The following DAB1 variants were observed in gnomAD, a reference collection of about 807,000 sequenced individuals.
DAB1 encodes the protein DAB adaptor protein 1.
A neutral mutation model predicts 64.6 loss-of-function variants in DAB1; 15 were observed. That is an observed-to-expected ratio of 0.23 (90% CI 0.16 to 0.36). The LOEUF is 0.36. Ranked by LOEUF, DAB1 falls within the 10% of genes least tolerant of loss-of-function variation. The pLI, the probability that DAB1 is intolerant of heterozygous loss-of-function variation, is 1.00. For synonymous variants in DAB1, 235 were observed against 251.9 expected, an observed-to-expected ratio of 0.93 and a Z score of 0.64; for missense variants, 596 against 706.7, an observed-to-expected ratio of 0.84 and a Z score of 1.78.
intron 2 of DAB1, among the ~76,000 whole-genome samples, chr1:57,252,758 G>A (rs568167787): frequency 6.6e-6 from 1 of 152,220 alleles, no homozygotes; most frequent in Non-Finnish European, 1.5e-5. Context: ...AGCTGAGAGA[G>A]AACAGGCTCC....
chr1:58,140,474 T>A (rs1210795952), intron 5 of DAB1, among the ~76,000 whole-genome samples: 1 of 152,178 alleles, frequency 6.6e-6, no homozygotes, highest in African/African-American at 2.4e-5. Context: ...AAAGGCATCA[T>A]AGACCAAGTG....
chr1:57,523,402 A>C (rs535442896), intron 7 of DAB1, among the ~76,000 whole-genome samples: 2 of 152,272 alleles, frequency 1.3e-5, no homozygotes, highest in African/African-American at 4.8e-5. Flanking sequence ...TCCCAACCCC[A>C]CTTGCATAGT....
chr1:57,297,253 T>G (rs1225448732), intron 1 of DAB1, among the ~76,000 whole-genome samples: 1 of 152,198 alleles, frequency 6.6e-6, no homozygotes, highest in African/African-American at 2.4e-5. Context: ...GATATTGTAC[T>G]GGAGAGAAAA....
intron 3 of DAB1, among the ~76,000 whole-genome samples, chr1:58,345,179 A>C (rs1643981656): frequency 6.6e-6 from 1 of 152,114 alleles, no homozygotes; most frequent in South Asian, 2.1e-4. Context: ...CTTAGCCCAC[A>C]ATTTAAGGCC....
intron 14 of DAB1, among the ~76,000 whole-genome samples, chr1:57,006,890 A>G (rs1646090294): frequency 6.6e-6 from 1 of 152,124 alleles, no homozygotes; most frequent in Non-Finnish European, 1.5e-5. Context: ...AATTATCTGT[A>G]TTTATCCATA....
At chr1:58,201,019 TTTG>T (rs1657966949) in intron 4 of DAB1, among the ~76,000 whole-genome samples, 1 of 139,578 alleles carries the variant, frequency 7.2e-6, no homozygotes, top group East Asian at 2.3e-4. Context: ...TTTTGTTTGT[TTTG>T]TTTTTTTTTT....
At chr1:57,407,454 G>A (rs1384358931) in intron 1 of DAB1, among the ~76,000 whole-genome samples, 3 of 152,102 alleles carry the variant, frequency 2.0e-5, no homozygotes, top group Non-Finnish European at 2.9e-5. Flanking sequence ...AGGGAAGAGC[G>A]GTGTGACTTT....
chr1:57,969,757 G>A (rs1240253280), intron 5 of DAB1, among the ~76,000 whole-genome samples: 2 of 152,078 alleles, frequency 1.3e-5, no homozygotes, highest in Non-Finnish European at 2.9e-5. Flanking sequence ...GTACTTTTGA[G>A]ACCAGGATTC....
At chr1:57,697,414 CACGTTTCTAAAAAAAAAAAAAAAAAAA>C (rs1008538669) in intron 6 of DAB1, among the ~76,000 whole-genome samples, 1 of 111,610 alleles carries the variant, frequency 9.0e-6, no homozygotes, top group African/African-American at 3.5e-5. Flanking sequence ...ACAATAAGCT[CACGTTTCTAAAAAAAAAAAAAAAAAAA>C]AAAAAAAAAG....
At chr1:57,517,339 A>G (rs1348132335) in intron 7 of DAB1, among the ~76,000 whole-genome samples, 1 of 149,800 alleles carries the variant, frequency 6.7e-6, no homozygotes, top group Non-Finnish European at 1.5e-5. Context: ...CGTAGTTTGC[A>G]TTCATTATCC....
intron 2 of DAB1, among the ~76,000 whole-genome samples, chr1:57,149,904 A>C (rs981065046): frequency 1.6e-4 from 24 of 152,156 alleles, no homozygotes; most frequent in African/African-American, 5.6e-4. Context: ...TATGTCATTT[A>C]ATCTTCCAAG....
intron 2 of DAB1, among the ~76,000 whole-genome samples, chr1:57,198,086 A>C (rs1664779433): frequency 1.3e-5 from 2 of 152,226 alleles, no homozygotes; most frequent in African/African-American, 2.4e-5. Flanking sequence ...TTCTTCCATA[A>C]ACTCTGTCTG....
chr1:57,628,168 A>ATAGCAGCTATTG (rs1038032004), intron 7 of DAB1, among the ~76,000 whole-genome samples: 1 of 151,970 alleles, frequency 6.6e-6, no homozygotes, highest in Non-Finnish European at 1.5e-5. Context: ...TGAGCTTCAG[A>ATAGCAGCTATTG]CTCCTCATTT....
chr1:58,447,334 G>A (rs1329819875), intron 3 of DAB1, among the ~76,000 whole-genome samples: 3 of 151,984 alleles, frequency 2.0e-5, no homozygotes, highest in Admixed American at 1.3e-4. Context: ...CCAATGACTG[G>A]GTACAAAGTC....
intron 4 of DAB1, among the ~76,000 whole-genome samples, chr1:58,291,726 T>C (rs964422952): frequency 1.3e-5 from 2 of 152,190 alleles, no homozygotes; most frequent in Admixed American, 6.5e-5. Flanking sequence ...CCAGTTTTCA[T>C]TGTGGGAACC....
intron 6 of DAB1, among the ~76,000 whole-genome samples, chr1:57,772,271 A>G (rs773116074): frequency 3.5e-4 from 54 of 152,208 alleles, no homozygotes; most frequent in Non-Finnish European, 5.7e-4. Context: ...TTGCATCTCA[A>G]TTTTGGACTT....
chr1:58,151,814 A>C (rs1232094587), intron 4 of DAB1, among the ~76,000 whole-genome samples: 1 of 152,240 alleles, frequency 6.6e-6, no homozygotes, highest in Non-Finnish European at 1.5e-5. Context: ...AGACAAGTAA[A>C]TACACATTTT....
rs749228212 is a variant in DAB1 at position 57,023,583 on chromosome 1, C to T, written c.843G>A (p.Ala281=). ...GTACAGAACTAAACACATCTGCACT[C>T]GCTGGAAGGGTCTGAGATGAAGATG... The part of the protein sequence containing the change: ...FIPSSSQTLP[A]SADVFSSVPF... The change falls in exon 11 of 15, where the codon GCG becomes GCA. Residue 281 remains alanine (A), a synonymous_variant. Coordinates refer to ENST00000371236, the MANE Select transcript of DAB1 (RefSeq NM_001365792.1). 6.8e-6 allele frequency: 11 copies of T among 1,612,216 alleles called. No individual in the cohort carries two copies. Among genetic ancestry groups the T allele is most frequent in the Non-Finnish European group, 9.3e-6 (11 of 1,179,458 alleles).
intron 7 of DAB1, among the ~76,000 whole-genome samples, chr1:57,548,041 C>T (rs1644874945): frequency 6.6e-6 from 1 of 152,016 alleles, no homozygotes; most frequent in Admixed American, 6.6e-5. Flanking sequence ...AAAATTATCT[C>T]CTTCTTCTTA....
Sources: gnomAD v4.1 joint callset for allele counts (sites outside exome capture counted in the v4.1 genomes callset) on GRCh38, gnomAD v4.1.1 for gene constraint, MANE v1.5 for transcripts, NCBI Gene and HGNC (gene_info 2026-07-23, HGNC 2026-07-21) for gene names.